Variants in TOMM20L observed in about 807,000 individuals in gnomAD.
The protein encoded by TOMM20L is translocase of outer mitochondrial membrane 20 like.
Under a neutral mutation model 20.4 loss-of-function variants are expected in TOMM20L, and 19 were observed. The observed-to-expected ratio is 0.93, with a 90% confidence interval of 0.65 to 1.36. The LOEUF is 1.36. TOMM20L is among the 40% of genes most tolerant of loss of function. The pLI is 0.00. For synonymous variants in TOMM20L, 75 were observed against 79.6 expected, an observed-to-expected ratio of 0.94 and a Z score of 0.30; for missense variants, 218 against 203.7, an observed-to-expected ratio of 1.07 and a Z score of -0.43.
chr14:58,411,025 A>T, downstream of TOMM20L: 3 of 848,024 alleles, frequency 3.5e-6, no homozygotes, highest in Non-Finnish European at 5.8e-6. Context: ...TTATATTTAG[A>T]CAAAATATAC....
chr14:58,416,089 G>A, the TOMM20L span, among the ~76,000 whole-genome samples: 3 of 151,426 alleles, frequency 2.0e-5, no homozygotes, highest in Admixed American at 1.3e-4. Context: ...GCAGCTGGCC[G>A]TGGTGGCACA....
downstream of TOMM20L, chr14:58,409,056 C>A (rs374725614): frequency 9.9e-6 from 16 of 1,613,636 alleles, no homozygotes; most frequent in African/African-American, 1.3e-5. Flanking sequence ...GCCAAGGAGT[C>A]CTGCTTTGGC....
downstream of TOMM20L, chr14:58,412,042 G>A: frequency 1.8e-6 from 2 of 1,086,106 alleles, no homozygotes. Flanking sequence ...AAGAGTTAGG[G>A]AATCACTGCT....
Position 58,408,554 on chromosome 14 carries a change from A to C in TOMM20L, c.431A>C (p.Gln144Pro). ...CAATTTGAGGCAGACATGAATGAAC[A>C]GGACTGCTTGGAGGATGATCCTGAT... ...CQQFEADMNE[Q>P]DCLEDDPD The change falls in exon 5 of 5, where the codon CAG becomes CCG. Residue 144 changes from glutamine (Q) to proline (P), a missense_variant. Gln to Pro is a moderately conservative substitution (Grantham distance 76). Coordinates refer to ENST00000360945, the MANE Select transcript of TOMM20L (RefSeq NM_207377.3). 6.2e-7 allele frequency: 1 copy of C among 1,614,054 alleles called. No individual in the cohort carries two copies. Among genetic ancestry groups the C allele is most frequent in the Non-Finnish European group, 8.5e-7 (1 of 1,179,978 alleles).
chr14:58,407,078 G>C (rs1054399862), intron 3 of TOMM20L, among the ~76,000 whole-genome samples: 1 of 152,114 alleles, frequency 6.6e-6, no homozygotes, highest in African/African-American at 2.4e-5. Flanking sequence ...CATTTCCAAT[G>C]CAAGAGTATA....
chr14:58,414,466 G>A, the TOMM20L span, among the ~76,000 whole-genome samples: 3 of 151,882 alleles, frequency 2.0e-5, no homozygotes, highest in East Asian at 1.9e-4. Context: ...GGCTGGGCAC[G>A]GTGGCTCACA....
At chr14:58,404,461 A>G (rs561218457) in intron 3 of TOMM20L, among the ~76,000 whole-genome samples, 20 of 150,936 alleles carry the variant, frequency 1.3e-4, no homozygotes, top group Middle Eastern at 3.4e-3. Context: ...ACTCCCTTGC[A>G]TATCACAGTG....
intron 3 of TOMM20L, among the ~76,000 whole-genome samples, chr14:58,405,906 C>T (rs2036051514): frequency 6.6e-6 from 1 of 152,166 alleles, no homozygotes; most frequent in Non-Finnish European, 1.5e-5. Flanking sequence ...AACCCCAAAC[C>T]AATTAAATCA....
chr14:58,411,925 T>C (rs199885870), downstream of TOMM20L: 1 of 1,613,540 alleles, frequency 6.2e-7, no homozygotes, highest in African/African-American at 1.3e-5. Flanking sequence ...TCTGATCAGA[T>C]TCTGGTATTT....
rs779442329 is a variant in TOMM20L, at chr14:58,396,036, A to G, written c.79A>G (p.Ile27Val). 2 of 1,438,212 alleles carry G rather than the reference A, an allele frequency of 1.4e-6. No individual in the cohort carries two copies. The highest frequency in any genetic ancestry group is 1.8e-6 in the Non-Finnish European group (2 of 1,090,820). 89.1% of individuals were successfully genotyped at this position (1,438,212 alleles called of 1,614,324 possible). A position where few individuals can be genotyped will look rare whatever the true frequency, so the allele number is the denominator to read the frequency against. The change falls in exon 1 of 5, where the codon ATT (isoleucine) becomes GTT (valine). Residue 27 changes from isoleucine to valine, a missense_variant. Transcript: ENST00000360945. Reference sequence around the variant, plus strand: ...CGCCTTCGCCTTCCTGGGCTATTGTATTTACCTCAACCGGAAGCGGCGCGG... The same window carrying G: ...CGCCTTCGCCTTCCTGGGCTATTGTGTTTACCTCAACCGGAAGCGGCGCGG... Reference protein sequence around the residue: ...CGAFAFLGYCIYLNRKRRGDP... With the variant: ...CGAFAFLGYCVYLNRKRRGDP...
downstream of TOMM20L, chr14:58,410,903 T>C (rs761534572): frequency 1.2e-6 from 2 of 1,613,548 alleles, no homozygotes; most frequent in East Asian, 2.2e-5. Flanking sequence ...AGCAGGTCTC[T>C]GTAAGTTTAT....
chr14:58,405,806 C>A (rs2036050226), intron 3 of TOMM20L, among the ~76,000 whole-genome samples: 1 of 152,210 alleles, frequency 6.6e-6, no homozygotes, highest in African/African-American at 2.4e-5. Flanking sequence ...ACCCACCCCC[C>A]TAATAGTTCT....
chr14:58,395,949 C>T lies in TOMM20L; in HGVS notation c.-9C>T. 7.2e-7 allele frequency: 1 copy of T among 1,388,870 alleles called. No homozygotes were observed. The highest frequency in any genetic ancestry group is 9.4e-7 in the Non-Finnish European group (1 of 1,065,608). The allele number at this position is 1,388,870 out of a possible 1,614,324, so 86.0% of individuals were successfully genotyped here. A position where few individuals can be genotyped will look rare whatever the true frequency, so the allele number is the denominator to read the frequency against. On this transcript the variant is annotated 5_prime_UTR_variant, in exon 1 of 5. Transcript: ENST00000360945. Reference sequence around the variant, plus strand: ...CCCAACGCTCGGCTTGTGGGACGCCCGCGGTCGGATGCCCTCCGTCCGCTC... The same window carrying T: ...CCCAACGCTCGGCTTGTGGGACGCCTGCGGTCGGATGCCCTCCGTCCGCTC...
intron 2 of TOMM20L, 40 bp from the exon 3 acceptor site, chr14:58,402,640 C>A: frequency 6.7e-7 from 1 of 1,488,194 alleles, no homozygotes. Context: ...ATATACCTTA[C>A]CTTCATTACT....
chr14:58,410,983 A>C (rs2036197253), downstream of TOMM20L: 4 of 1,394,170 alleles, frequency 2.9e-6, no homozygotes, highest in Non-Finnish European at 4.0e-6. Context: ...TTTTTAAAAC[A>C]AAGATGCTTT....
intron 2 of TOMM20L, among the ~76,000 whole-genome samples, chr14:58,401,821 C>T (rs567680064): frequency 2.0e-5 from 3 of 152,164 alleles, no homozygotes; most frequent in Non-Finnish European, 2.9e-5. Context: ...ACCAAAGCAT[C>T]CTTCTGAACA....
Position 58,402,717 on chromosome 14 carries a change from T to A in TOMM20L, c.218T>A (p.Leu73His), listed in dbSNP as rs777854607. Reference protein sequence around the residue: ...DPTKNKKLQELFLQEVRMGEL... With the variant: ...DPTKNKKLQEHFLQEVRMGEL... Reference sequence around the variant, plus strand: ...ACGAAGAATAAAAAGTTGCAAGAACTTTTCTTGCAAGAGGTACGGATGGGA... The same window carrying A: ...ACGAAGAATAAAAAGTTGCAAGAACATTTCTTGCAAGAGGTACGGATGGGA... Residue 73 changes from leucine to histidine, a missense_variant, in exon 3 of 5, where the codon CTT becomes CAT. By Grantham distance (99) the Leu-to-His change is moderately conservative (BLOSUM62 -3). Coordinates refer to ENST00000360945, the MANE Select transcript of TOMM20L (RefSeq NM_207377.3). The A allele has an allele frequency of 1.2e-5, 19 of 1,613,778 alleles. No individual in the cohort carries two copies. The highest frequency in any genetic ancestry group is 1.5e-5 in the Non-Finnish European group (18 of 1,179,844).
At chr14:58,416,167 G>A in the TOMM20L span, among the ~76,000 whole-genome samples, 1 of 152,106 alleles carries the variant, frequency 6.6e-6, no homozygotes, top group Admixed American at 6.5e-5. Flanking sequence ...GGCAGAGGTT[G>A]CAGTGAGCCA....
At chr14:58,409,482 C>A (rs1377300366), downstream of TOMM20L, among the ~76,000 whole-genome samples, 6 of 152,222 alleles carry the variant, frequency 3.9e-5, no homozygotes, top group East Asian at 5.8e-4. Context: ...CTTCTTGTTT[C>A]GATTATTAAA....
Sources: allele counts gnomAD v4.1 joint callset (sites outside exome capture counted in the v4.1 genomes callset), GRCh38; gene constraint gnomAD v4.1.1; transcripts MANE v1.5; gene names NCBI Gene and HGNC (gene_info 2026-07-23, HGNC 2026-07-21).